SLC8A1: variants seen among roughly 807,000 people sequenced by gnomAD.
The protein encoded by SLC8A1 is solute carrier family 8 member A1.
In SLC8A1, 18 loss-of-function variants were observed where a neutral mutation model predicts 68.3. The observed-to-expected ratio is 0.26, with a 90% CI of 0.18 to 0.39. The LOEUF is 0.39. Ranked by LOEUF, SLC8A1 falls within the 10% of genes least tolerant of loss-of-function variation. The pLI is 1.00. For missense variants in SLC8A1, 985 were observed against 1,156.7 expected (o/e 0.85, Z 2.15); for synonymous variants, 475 against 415.5 (o/e 1.14, Z -1.74).
At chr2:40,376,000 C>CA (rs1375016137) in intron 2 of SLC8A1, among the ~76,000 whole-genome samples, 1 of 151,412 alleles carries the variant, frequency 6.6e-6, no homozygotes, top group Admixed American at 6.6e-5. Flanking sequence ...GACCCTGTCT[C>CA]AAAATAAATA....
intron 2 of SLC8A1, among the ~76,000 whole-genome samples, chr2:40,379,069 A>C (rs2149540435): frequency 6.6e-6 from 1 of 152,280 alleles, no homozygotes; most frequent in African/African-American, 2.4e-5. Context: ...AGTTTCCAGA[A>C]TAGCATCTGG....
intron 4 of SLC8A1, among the ~76,000 whole-genome samples, chr2:40,167,433 AACTT>A (rs1216846608): frequency 2.6e-5 from 4 of 152,250 alleles, no homozygotes; most frequent in Admixed American, 1.3e-4. Flanking sequence ...TTTAAAAACA[AACTT>A]AATAAAGTAT....
chr2:40,488,229 A>AG (rs1310931935), intron 1 of SLC8A1, among the ~76,000 whole-genome samples: 1 of 151,724 alleles, frequency 6.6e-6, no homozygotes, highest in Non-Finnish European at 1.5e-5. Flanking sequence ...TAGACAGAAA[A>AG]AAAAAAAAAA....
chr2:40,211,705 T>C (rs1335353819), intron 2 of SLC8A1, among the ~76,000 whole-genome samples: 3 of 152,186 alleles, frequency 2.0e-5, no homozygotes, highest in African/African-American at 7.2e-5. Context: ...AAAGAACTTC[T>C]GGAAATCTGG....
chr2:40,405,534 C>T (rs1179044239), intron 2 of SLC8A1, among the ~76,000 whole-genome samples: 1 of 152,176 alleles, frequency 6.6e-6, no homozygotes, highest in East Asian at 1.9e-4. Flanking sequence ...AGATCCCATG[C>T]CACAATTCAT....
chr2:40,151,101 G>T (rs2043333814), intron 6 of SLC8A1, among the ~76,000 whole-genome samples: 2 of 152,232 alleles, frequency 1.3e-5, no homozygotes, highest in South Asian at 4.1e-4. Flanking sequence ...AACACTGAGA[G>T]AAAATGTCAT....
chr2:40,184,072 A>G (rs1409602550), intron 2 of SLC8A1, among the ~76,000 whole-genome samples: 3 of 152,206 alleles, frequency 2.0e-5, no homozygotes, highest in Middle Eastern at 3.4e-3. Context: ...GCTACATGCG[A>G]GGCTGAGGTG....
At chr2:40,332,689 G>C (rs1024450573) in intron 2 of SLC8A1, among the ~76,000 whole-genome samples, 3 of 152,178 alleles carry the variant, frequency 2.0e-5, no homozygotes, top group African/African-American at 7.2e-5. Flanking sequence ...TTATGGGAAA[G>C]GAATGTCAAA....
At chr2:40,462,863 T>C (rs962736453) in intron 1 of SLC8A1, among the ~76,000 whole-genome samples, 8 of 152,150 alleles carry the variant, frequency 5.3e-5, no homozygotes, top group Non-Finnish European at 2.9e-5. Flanking sequence ...AGCTTGAGTT[T>C]TGTGGGAATA....
chr2:40,382,715 A>C (rs1170423184), intron 2 of SLC8A1, among the ~76,000 whole-genome samples: 2 of 152,096 alleles, frequency 1.3e-5, no homozygotes, highest in Non-Finnish European at 2.9e-5. Flanking sequence ...AGAAAACACA[A>C]ATTTACAACT....
At chr2:40,490,215 A>G (rs999554004) in intron 1 of SLC8A1, among the ~76,000 whole-genome samples, 2 of 152,168 alleles carry the variant, frequency 1.3e-5, no homozygotes, top group Admixed American at 6.6e-5. Context: ...GGCAGATACA[A>G]TGTACTTGAC....
chr2:40,361,887 C>CTTTTTTTTTTTTT lies in SLC8A1; in HGVS notation c.1808+66573_1808+66585dup, dbSNP rs1172909749. ...GTCAGATGTTTATATCTTTTCTTTC[C>CTTTTTTTTTTTTT]TTTTTTTTTTTTTTTTTTTTTTTTT... On this transcript the variant is annotated intron_variant, in intron 2 of 7. Coordinates refer to ENST00000406785, the Ensembl canonical transcript of SLC8A1. Among the ~76,000 whole-genome samples, 18 of 53,126 alleles carry CTTTTTTTTTTTTT rather than the reference C, an allele frequency of 3.4e-4. 3 individuals carry two copies. Among genetic ancestry groups the CTTTTTTTTTTTTT allele is most frequent in the African/African-American group, 6.2e-4 (7 of 11,308 alleles). The allele number at this position is 53,126 out of a possible 152,430, so 34.9% of individuals were successfully genotyped here. A position where few individuals can be genotyped will look rare whatever the true frequency, so the allele number is the denominator to read the frequency against.
intron 2 of SLC8A1, among the ~76,000 whole-genome samples, chr2:40,408,224 C>T (rs139616347): frequency 1.3e-4 from 20 of 152,250 alleles, no homozygotes; most frequent in African/African-American, 3.6e-4. Flanking sequence ...AAAGTTTCTT[C>T]GGAATTGAAC....
At chr2:40,286,257 A>T (rs1231364563) in intron 2 of SLC8A1, among the ~76,000 whole-genome samples, 1 of 152,196 alleles carries the variant, frequency 6.6e-6, no homozygotes, top group Non-Finnish European at 1.5e-5. Context: ...CTATAGGGAT[A>T]ACCCCAGGTT....
intron 2 of SLC8A1, among the ~76,000 whole-genome samples, chr2:40,402,029 G>T (rs906931335): frequency 6.6e-6 from 1 of 152,116 alleles, no homozygotes; most frequent in African/African-American, 2.4e-5. Context: ...GTAAAGTAAG[G>T]CTGAGACCTA....
In SLC8A1 at chr2:40,356,129, G is replaced by T. The variant is rs531254133; in HGVS notation, c.1808+72344C>A. ...CTGAGCTTCACCTCCTCTCAGTCTG[G>T]ATTATGTGTCCTACCCACCCCCAGT... On this transcript the variant is annotated intron_variant, in intron 2 of 7. Coordinates refer to ENST00000406785, the Ensembl canonical transcript of SLC8A1. Among the ~76,000 whole-genome samples the T allele has an allele frequency of 4.6e-5, 7 of 152,218 alleles. No individual in the cohort carries two copies. The South Asian group carries it at 8.3e-4, about 18-fold the overall frequency.
chr2:40,281,536 A>G (rs542795885), intron 2 of SLC8A1, among the ~76,000 whole-genome samples: 17 of 152,266 alleles, frequency 1.1e-4, no homozygotes, highest in Admixed American at 3.3e-4. Context: ...TTGAGTCCCA[A>G]CTTGCACTCG....
chr2:40,426,560 T>C (rs1427518704), intron 2 of SLC8A1, among the ~76,000 whole-genome samples: 1 of 152,054 alleles, frequency 6.6e-6, no homozygotes, highest in Non-Finnish European at 1.5e-5. Context: ...ATTTATGGTT[T>C]GGTAAAAGTC....
At chr2:40,273,643 A>G (rs1333291742) in intron 2 of SLC8A1, among the ~76,000 whole-genome samples, 2 of 152,198 alleles carry the variant, frequency 1.3e-5, no homozygotes, top group African/African-American at 4.8e-5. Flanking sequence ...AAACAAACTC[A>G]TACCTCTCCA....
Sources: allele counts gnomAD v4.1 joint callset (sites outside exome capture counted in the v4.1 genomes callset), GRCh38; gene constraint gnomAD v4.1.1; transcripts MANE v1.5; gene names NCBI Gene and HGNC (gene_info 2026-07-23, HGNC 2026-07-21).